HS3ST5: variants seen among roughly 807,000 people sequenced by gnomAD.
HS3ST5 encodes heparan sulfate-glucosamine 3-sulfotransferase 5, also known as heparan sulfate glucosamine 3-O-sulfotransferase 5.
In HS3ST5, 10 loss-of-function variants were observed where a neutral mutation model predicts 25.4. That is an observed-to-expected ratio of 0.39 (90% CI 0.24 to 0.67). The LOEUF (loss-of-function observed/expected upper bound fraction) is 0.67, where lower values mean the gene tolerates loss of function less well. HS3ST5 is among the 30% of genes least tolerant of loss of function. HS3ST5 has a pLI of 0.44. For missense variants in HS3ST5, 324 were observed against 420.7 expected (o/e 0.77, Z 2.01); for synonymous variants, 170 against 162.4 (o/e 1.05, Z -0.36).
At chr6:114,215,287 C>G (rs1300976979) in intron 2 of HS3ST5, among the ~76,000 whole-genome samples, 1 of 152,092 alleles carries the variant, frequency 6.6e-6, no homozygotes, top group Non-Finnish European at 1.5e-5. Flanking sequence ...GCCTGGGTGA[C>G]AGAGCGAGAC....
chr6:114,201,559 C>T (rs1043546580), intron 2 of HS3ST5, among the ~76,000 whole-genome samples: 2 of 152,056 alleles, frequency 1.3e-5, no homozygotes, highest in Non-Finnish European at 2.9e-5. Context: ...CACCTTTCAC[C>T]TTAGGGTCAC....
At chr6:114,105,550 T>G (rs182207840) in intron 3 of HS3ST5, among the ~76,000 whole-genome samples, 1 of 152,302 alleles carries the variant, frequency 6.6e-6, no homozygotes, top group Admixed American at 6.5e-5. Flanking sequence ...GATCGGGAAA[T>G]GTAACCACAG....
At chr6:114,075,967 C>G (rs541144706) in intron 3 of HS3ST5, among the ~76,000 whole-genome samples, 1 of 152,252 alleles carries the variant, frequency 6.6e-6, no homozygotes, top group East Asian at 1.9e-4. Context: ...ATAACCATAG[C>G]AGAGTATGTG....
At chr6:114,232,093 C>T (rs186797256) in intron 1 of HS3ST5, among the ~76,000 whole-genome samples, 165 of 152,202 alleles carry the variant, frequency 1.1e-3, no homozygotes, top group African/African-American at 3.6e-3. Flanking sequence ...CTATTTTTAT[C>T]GTGTGCCTAC....
intron 3 of HS3ST5, among the ~76,000 whole-genome samples, chr6:114,123,817 G>T (rs1021267173): frequency 1.3e-5 from 2 of 151,946 alleles, no homozygotes; most frequent in African/African-American, 4.8e-5. Flanking sequence ...ATATGTTGGG[G>T]TATTTGGTAA....
chr6:114,303,904 T>C (rs1775186105), intron 1 of HS3ST5, among the ~76,000 whole-genome samples: 1 of 152,178 alleles, frequency 6.6e-6, no homozygotes, highest in Non-Finnish European at 1.5e-5. Context: ...ATAAATTTTA[T>C]TATTTAAAAA....
chr6:114,316,676 G>A (rs1249799225), intron 1 of HS3ST5, among the ~76,000 whole-genome samples: 1 of 152,056 alleles, frequency 6.6e-6, no homozygotes, highest in Non-Finnish European at 1.5e-5. Context: ...TAACAAAAAA[G>A]CATTTCAATA....
In HS3ST5 at chr6:114,304,096, G is replaced by A. The variant is rs116554598; in HGVS notation, c.-339+38099C>T. ...TCTCTGGGAGAAATACAAGATGTCAGAAGTATTTCTGACTGACCTACACTC... is the reference window on the plus strand; with the variant it reads ...TCTCTGGGAGAAATACAAGATGTCAAAAGTATTTCTGACTGACCTACACTC... On this transcript the variant is annotated intron_variant, in intron 1 of 4. Transcript: ENST00000312719. Among the ~76,000 whole-genome samples the A allele has an allele frequency of 8.6e-3, 1,315 of 152,070 alleles. 23 individuals carry two copies. Among genetic ancestry groups the A allele is most frequent in the African/African-American group, 0.03 (1,256 of 41,500 alleles).
At chr6:114,176,311 C>T (rs1029800431) in intron 2 of HS3ST5, among the ~76,000 whole-genome samples, 7 of 152,136 alleles carry the variant, frequency 4.6e-5, no homozygotes, top group South Asian at 2.1e-4. Context: ...ACACCTGTCA[C>T]GGTAATTTCC....
chr6:114,286,754 C>G (rs11153476), intron 1 of HS3ST5, among the ~76,000 whole-genome samples: 1 of 151,342 alleles, frequency 6.6e-6, no homozygotes, highest in Non-Finnish European at 1.5e-5. Flanking sequence ...TACATTAGAA[C>G]GAAATAAGTA....
intron 3 of HS3ST5, among the ~76,000 whole-genome samples, chr6:114,072,084 C>T (rs972324802): frequency 6.6e-6 from 1 of 152,152 alleles, no homozygotes; most frequent in African/African-American, 2.4e-5. Context: ...CATTGCACCA[C>T]TCTGCCTCCC....
rs770920025 is a variant in HS3ST5, at chr6:114,169,306, CACAG to C, written c.-144-848_-144-845del. On this transcript the variant is annotated intron_variant, in intron 2 of 4. Transcript: ENST00000312719. ...ATTTAGGGTACAACACACACACACA[CACAG>C]ACAATCTCTTTCAAGTAAAGAAAAA... 8.9e-4 allele frequency among the ~76,000 whole-genome samples: 136 copies of C among 152,220 alleles called. 1 individual carries two copies. Among genetic ancestry groups the C allele is most frequent in the African/African-American group, 2.5e-3 (103 of 41,532 alleles).
chr6:114,065,887 C>T (rs13201917), intron 3 of HS3ST5, among the ~76,000 whole-genome samples: 4,166 of 152,332 alleles, frequency 0.027, 99 homozygotes, highest in Non-Finnish European at 0.041. Context: ...TGCCCACACC[C>T]TCCTGCTTAA....
At chr6:114,146,253 A>G (rs1778156904) in intron 3 of HS3ST5, among the ~76,000 whole-genome samples, 1 of 152,244 alleles carries the variant, frequency 6.6e-6, no homozygotes, top group African/African-American at 2.4e-5. Flanking sequence ...ATCTGCGAGC[A>G]CTGTGAAAGA....
intron 1 of HS3ST5, among the ~76,000 whole-genome samples, chr6:114,274,943 A>C (rs2114713282): frequency 6.6e-6 from 1 of 151,866 alleles, no homozygotes; most frequent in East Asian, 2.0e-4. Context: ...AAGGTGACAG[A>C]GCTGGGATTA....
chr6:114,121,544 C>G (rs1776785863), intron 3 of HS3ST5, among the ~76,000 whole-genome samples: 1 of 152,048 alleles, frequency 6.6e-6, no homozygotes, highest in Non-Finnish European at 1.5e-5. Context: ...TTGTGACTTT[C>G]CAAACCCTTT....
chr6:114,282,205 T>TA (rs971761821), intron 1 of HS3ST5, among the ~76,000 whole-genome samples: 5 of 151,964 alleles, frequency 3.3e-5, no homozygotes, highest in African/African-American at 7.2e-5. Context: ...CATATTAACA[T>TA]AAAAAATCCC....
At chr6:114,235,288 A>G (rs1309554562) in intron 1 of HS3ST5, among the ~76,000 whole-genome samples, 1 of 152,250 alleles carries the variant, frequency 6.6e-6, no homozygotes, top group African/African-American at 2.4e-5. Context: ...AGAATACGCT[A>G]TGATAGCTCC....
At chr6:114,058,221 A>C in intron 4 of HS3ST5, 31 bp from the exon 5 acceptor site, 306 of 1,511,198 alleles carry the variant, frequency 2.0e-4, no homozygotes, top group Non-Finnish European at 2.5e-4. Flanking sequence ...CTTTAAGCTC[A>C]TTGCAACTAA....
Sources: gnomAD v4.1 joint callset for allele counts (sites outside exome capture counted in the v4.1 genomes callset) on GRCh38, gnomAD v4.1.1 for gene constraint, MANE v1.5 for transcripts, NCBI Gene and HGNC (gene_info 2026-07-23, HGNC 2026-07-21) for gene names.